Variants in PLPP1 observed in about 807,000 individuals in gnomAD.
PLPP1 encodes phospholipid phosphatase 1, also known as lipid phosphate phosphohydrolase 1a.
A neutral mutation model predicts 31.2 loss-of-function variants in PLPP1; 24 were observed. That is an observed-to-expected ratio of 0.77 (90% confidence interval 0.56 to 1.08). The LOEUF is 1.08. PLPP1 is among the 50% of genes least tolerant of loss of function. The pLI, the probability that PLPP1 is intolerant of heterozygous loss-of-function variation, is 0.00. For synonymous variants in PLPP1, 146 were observed against 126.3 expected (o/e 1.16, Z -1.05); for missense variants, 319 against 342.7 (o/e 0.93, Z 0.55).
chr5:55,457,436 A>G (rs1051175470), intron 3 of PLPP1, among the ~76,000 whole-genome samples: 6 of 152,228 alleles, frequency 3.9e-5, no homozygotes, highest in Non-Finnish European at 7.3e-5. Context: ...TGACATGTAT[A>G]TATCACAAAA....
intron 3 of PLPP1, among the ~76,000 whole-genome samples, chr5:55,445,483 C>G (rs1347966683): frequency 6.6e-6 from 1 of 151,530 alleles, no homozygotes; most frequent in Non-Finnish European, 1.5e-5. Flanking sequence ...AAGCACAAAA[C>G]AGATACATCT....
chr5:55,508,483 G>A (rs1455814864), intron 1 of PLPP1, among the ~76,000 whole-genome samples: 1 of 152,182 alleles, frequency 6.6e-6, no homozygotes, highest in Non-Finnish European at 1.5e-5. Flanking sequence ...CCTAGAACAA[G>A]GCAGGCCTTC....
chr5:55,530,984 TACA>T (rs1740650474), intron 1 of PLPP1, among the ~76,000 whole-genome samples: 1 of 151,684 alleles, frequency 6.6e-6, no homozygotes. Context: ...CTCGATGCCC[TACA>T]ACAACATCGC....
At chr5:55,445,895 T>C (rs954617947) in intron 3 of PLPP1, among the ~76,000 whole-genome samples, 1 of 152,062 alleles carries the variant, frequency 6.6e-6, no homozygotes, top group African/African-American at 2.4e-5. Context: ...TCTAAATTGA[T>C]GACTTTTTTT....
In PLPP1 at chr5:55,522,042, T is replaced by C. The variant is rs76739607; in HGVS notation, c.58+12530A>G. ...CTGAAGGGCTCATCTGCTACACGTT[T>C]CCTATATGTCATTTTCCTGGACACC... is the stretch of plus-strand genomic sequence containing the variant. On this transcript the variant is annotated intron_variant, in intron 1 of 5. Transcript: ENST00000307259. Among the ~76,000 whole-genome samples the C allele has an allele frequency of 5.4e-3, 817 of 152,320 alleles. 10 individuals carry two copies. The highest frequency in any genetic ancestry group is 0.019 in the African/African-American group (769 of 41,562).
At chr5:55,498,856 C>T (rs950041329) in intron 1 of PLPP1, among the ~76,000 whole-genome samples, 1 of 152,176 alleles carries the variant, frequency 6.6e-6, no homozygotes, top group African/African-American at 2.4e-5. Context: ...ATGTTAACTG[C>T]TCAAACAAAT....
At chr5:55,510,063 TATTTAGGGCTTCC>T (rs759697559) in intron 1 of PLPP1, among the ~76,000 whole-genome samples, 3 of 152,298 alleles carry the variant, frequency 2.0e-5, no homozygotes, top group South Asian at 4.1e-4. Flanking sequence ...ATCGGGAAAC[TATTTAGGGCTTCC>T]ATGGTATTTG....
chr5:55,489,212 T>C (rs192829955), intron 1 of PLPP1, among the ~76,000 whole-genome samples: 88 of 152,180 alleles, frequency 5.8e-4, no homozygotes, highest in South Asian at 3.7e-3. Flanking sequence ...AATATATATG[T>C]GTTATTATTA....
At chr5:55,515,256 CCTT>C (rs139059530) in intron 1 of PLPP1, among the ~76,000 whole-genome samples, 4,536 of 152,284 alleles carry the variant, frequency 0.03, 79 homozygotes, top group Non-Finnish European at 0.046. Flanking sequence ...TGACATTTCT[CCTT>C]CTGGCAAGAT....
At chr5:55,518,523 C>T (rs531641447) in intron 1 of PLPP1, among the ~76,000 whole-genome samples, 7 of 152,156 alleles carry the variant, frequency 4.6e-5, no homozygotes, top group Admixed American at 3.9e-4. Flanking sequence ...CCAGAAGAAA[C>T]ATATGTAACC....
Position 55,489,479 on chromosome 5 carries a change from C to T in PLPP1, c.59-14029G>A, listed in dbSNP as rs370311114. On this transcript the variant is annotated intron_variant, in intron 1 of 5. Coordinates refer to ENST00000307259, the MANE Select transcript of PLPP1 (RefSeq NM_003711.4). ...TGTATTTCTTAGAAAAAGAAGTATC[C>T]CCTTAAACTAAATGCTAGATTTTTC... Among the ~76,000 whole-genome samples, 14 of 152,016 alleles carry T rather than the reference C, an allele frequency of 9.2e-5. No homozygotes were observed. In the East Asian group the frequency reaches 2.3e-3, roughly 25 times the overall value.
chr5:55,527,081 T>C (rs532141878), intron 1 of PLPP1, among the ~76,000 whole-genome samples: 6 of 152,172 alleles, frequency 3.9e-5, no homozygotes, highest in Admixed American at 3.3e-4. Flanking sequence ...GTACTGAATA[T>C]GAGTGAATGA....
intron 1 of PLPP1, among the ~76,000 whole-genome samples, chr5:55,495,826 A>G (rs576453248): frequency 7.4e-4 from 113 of 152,144 alleles, no homozygotes; most frequent in African/African-American, 2.7e-3. Context: ...TTTATCTGCT[A>G]CTGAGATCAT....
In PLPP1 at chr5:55,492,423, T is replaced by C. The variant is rs1752915069; in HGVS notation, c.59-16973A>G. On this transcript the variant is annotated intron_variant, in intron 1 of 5. Coordinates refer to ENST00000307259, the MANE Select transcript of PLPP1 (RefSeq NM_003711.4). Reference sequence around the variant, plus strand: ...AGAAATACCATAAAAGGCAGAAATATGCCATAAAAATAGGAATATAATTAC... The same window carrying C: ...AGAAATACCATAAAAGGCAGAAATACGCCATAAAAATAGGAATATAATTAC... Among the ~76,000 whole-genome samples the C allele has an allele frequency of 3.3e-5, 5 of 152,156 alleles. No individual in the cohort carries two copies. The South Asian group carries it at 1.0e-3, about 31-fold the overall frequency.
intron 2 of PLPP1, among the ~76,000 whole-genome samples, chr5:55,472,562 T>C (rs1245879213): frequency 6.6e-6 from 1 of 151,056 alleles, no homozygotes; most frequent in Non-Finnish European, 1.5e-5. Context: ...ATCGCGCCAG[T>C]GCACTCCAGC....
chr5:55,508,672 A>G (rs1443101959), intron 1 of PLPP1, among the ~76,000 whole-genome samples: 1 of 152,254 alleles, frequency 6.6e-6, no homozygotes, highest in East Asian at 1.9e-4. Flanking sequence ...GCCACTCAGA[A>G]CAGACACTAG....
intron 1 of PLPP1, among the ~76,000 whole-genome samples, chr5:55,478,205 G>GA (rs1025991544): frequency 2.6e-5 from 4 of 152,042 alleles, no homozygotes; most frequent in Non-Finnish European, 5.9e-5. Flanking sequence ...CTTAGATTTA[G>GA]AAAAAAAGTT....
chr5:55,490,939 C>A lies in PLPP1; in HGVS notation c.59-15489G>T, dbSNP rs1460222525. 12 of 1,598,620 alleles carry A rather than the reference C, an allele frequency of 7.5e-6. No individual in the cohort carries two copies. The African/African-American group carries it at 1.2e-4, about 16-fold the overall frequency. Reference sequence around the variant, plus strand: ...CTCCAGCACAACAAACCCATCACTACCTACTTATTAATTTACTTACAGAGG... The same window carrying A: ...CTCCAGCACAACAAACCCATCACTAACTACTTATTAATTTACTTACAGAGG... On this transcript the variant is annotated intron_variant, in intron 1 of 5. Coordinates refer to ENST00000307259, the MANE Select transcript of PLPP1 (RefSeq NM_003711.4).
At chr5:55,528,024 G>A (rs1481505848) in intron 1 of PLPP1, among the ~76,000 whole-genome samples, 1 of 152,162 alleles carries the variant, frequency 6.6e-6, no homozygotes. Context: ...AAAAGATCTG[G>A]AAGGGCAAAT....
Sources: gnomAD v4.1 joint callset for allele counts (sites outside exome capture counted in the v4.1 genomes callset) on GRCh38, gnomAD v4.1.1 for gene constraint, MANE v1.5 for transcripts, NCBI Gene and HGNC (gene_info 2026-07-23, HGNC 2026-07-21) for gene names.